Variants in OSBPL10 observed in about 807,000 individuals in gnomAD.
OSBPL10 encodes oxysterol-binding protein-related protein 10.
OSBPL10 carries 49 observed loss-of-function variants against 81.7 expected under a neutral mutation model. The ratio of observed to expected loss-of-function variants is 0.60; its 90% CI spans 0.48 to 0.76. OSBPL10 has a LOEUF of 0.76. Ranked by LOEUF, OSBPL10 falls within the 30% of genes least tolerant of loss-of-function variation. The probability of loss-of-function intolerance (pLI) is 0.00; values close to 1 mark genes in which losing one functional copy is unlikely to be tolerated. For missense variants in OSBPL10, 923 were observed against 987.8 expected (o/e 0.93, Z 0.88); for synonymous variants, 419 against 383.6 (o/e 1.09, Z -1.08).
intron 1 of OSBPL10, among the ~76,000 whole-genome samples, chr3:31,922,250 C>T (rs1287909728): frequency 6.6e-6 from 1 of 152,140 alleles, no homozygotes; most frequent in African/African-American, 2.4e-5. Flanking sequence ...ACCACATAAA[C>T]GTAAAATGTT....
chr3:31,900,596 G>A (rs910888370), intron 1 of OSBPL10, among the ~76,000 whole-genome samples: 2 of 152,344 alleles, frequency 1.3e-5, no homozygotes, highest in Admixed American at 6.5e-5. Flanking sequence ...ACTGCAGTCA[G>A]TTGTTGTAAC....
chr3:32,024,369 C>A (rs1699384153), intron 2 of OSBPL10, among the ~76,000 whole-genome samples: 1 of 151,926 alleles, frequency 6.6e-6, no homozygotes, highest in Admixed American at 6.6e-5. Flanking sequence ...TCTTTAATTT[C>A]TCTCAGCAAT....
Position 31,726,825 on chromosome 3 carries a change from C to T in OSBPL10, c.1095+6432G>A, listed in dbSNP as rs964661836. On this transcript the variant is annotated intron_variant, in intron 6 of 11. Coordinates refer to ENST00000396556, the MANE Select transcript of OSBPL10 (RefSeq NM_017784.5). ...CACCTACTCCCAGAATTCTTTTGTG[C>T]AAAAATTTATTATTATTATTATTAT... 2.0e-4 allele frequency among the ~76,000 whole-genome samples: 29 copies of T among 144,280 alleles called. 1 individual carries two copies. Among genetic ancestry groups the T allele is most frequent in the Non-Finnish European group, 2.5e-4 (17 of 67,784 alleles). The allele number at this position is 144,280 out of a possible 152,430, so 94.7% of individuals were successfully genotyped here. A position where few individuals can be genotyped will look rare whatever the true frequency, so the allele number is the denominator to read the frequency against.
chr3:32,073,945 A>T (rs1006305067), intron 1 of OSBPL10, among the ~76,000 whole-genome samples: 3 of 151,874 alleles, frequency 2.0e-5, no homozygotes, highest in South Asian at 2.1e-4. Flanking sequence ...TCTTATTCTC[A>T]TTCCCATTCT....
intron 4 of OSBPL10, among the ~76,000 whole-genome samples, chr3:31,827,433 A>G (rs576102907): frequency 3.0e-4 from 45 of 152,230 alleles, no homozygotes; most frequent in Admixed American, 2.4e-3. Context: ...TCAGGAGATC[A>G]AGACCAGCCT....
chr3:31,829,390 T>C (rs772831304), intron 4 of OSBPL10, among the ~76,000 whole-genome samples: 25 of 152,312 alleles, frequency 1.6e-4, no homozygotes, highest in Middle Eastern at 3.4e-3. Flanking sequence ...AATTTAAACA[T>C]AACCTCGCCT....
chr3:32,002,800 C>A (rs1004405518), intron 2 of OSBPL10, among the ~76,000 whole-genome samples: 1 of 129,448 alleles, frequency 7.7e-6, no homozygotes, highest in Admixed American at 7.8e-5. Flanking sequence ...GGGAGAAATA[C>A]TATTTATTGT....
rs113766261 is a variant in OSBPL10 at position 31,777,324 on chromosome 3, T to G, written c.730-29204A>C. On this transcript the variant is annotated intron_variant, in intron 4 of 11. Transcript: ENST00000396556. ...ACACTTTTCAAGGCCCAGTAATTTT[T>G]TTTTTCATCTTTAGATAAGAGAGCC... Among the ~76,000 whole-genome samples the G allele has an allele frequency of 7.1e-3, 1,075 of 152,326 alleles. 12 individuals are homozygous for G. The highest frequency in any genetic ancestry group is 0.025 in the African/African-American group (1,032 of 41,568).
At chr3:32,075,355 C>A (rs761490189) in intron 1 of OSBPL10, among the ~76,000 whole-genome samples, 9 of 152,132 alleles carry the variant, frequency 5.9e-5, no homozygotes, top group Non-Finnish European at 1.3e-4. Flanking sequence ...AAGGATAGAG[C>A]CCAAAAACTC....
chr3:31,703,176 C>T (rs1370628477), intron 6 of OSBPL10, among the ~76,000 whole-genome samples: 1 of 152,194 alleles, frequency 6.6e-6, no homozygotes, highest in East Asian at 1.9e-4. Flanking sequence ...TCCAATTTTT[C>T]ACATTACATA....
At chr3:31,687,241 T>C (rs191519051) in intron 7 of OSBPL10, among the ~76,000 whole-genome samples, 2 of 152,192 alleles carry the variant, frequency 1.3e-5, no homozygotes, top group East Asian at 1.9e-4. Flanking sequence ...ACAAAGATAA[T>C]TGCGTAACCT....
intron 6 of OSBPL10, 126 bp from the exon 7 acceptor site, chr3:31,702,634 G>A (rs1046191159): frequency 7.5e-7 from 1 of 1,341,784 alleles, no homozygotes; most frequent in Non-Finnish European, 1.0e-6. Flanking sequence ...GCTCCTCTGT[G>A]ACCCAGTCCT....
intron 3 of OSBPL10, among the ~76,000 whole-genome samples, chr3:31,851,458 G>A: frequency 6.6e-6 from 1 of 152,202 alleles, no homozygotes; most frequent in Non-Finnish European, 1.5e-5. Context: ...ACAGCGGGAT[G>A]AGGGAGGAGG....
chr3:32,058,772 T>C (rs1336258224), intron 1 of OSBPL10, among the ~76,000 whole-genome samples: 1 of 152,192 alleles, frequency 6.6e-6, no homozygotes, highest in Non-Finnish European at 1.5e-5. Flanking sequence ...TCAAGTCATC[T>C]TCCTGCCTTA....
intron 8 of OSBPL10, among the ~76,000 whole-genome samples, chr3:31,683,185 C>CA (rs1700698260): frequency 6.6e-6 from 1 of 152,180 alleles, no homozygotes; most frequent in African/African-American, 2.4e-5. Context: ...AGCATAGAGT[C>CA]AAAAGATTTG....
At position 31,804,695 on chromosome 3, in the gene OSBPL10, G is replaced by A. The variant is rs141996271; in HGVS notation, c.729+25345C>T. Among the ~76,000 whole-genome samples the A allele has an allele frequency of 1.4e-3, 206 of 152,300 alleles. 1 individual carries two copies. Among genetic ancestry groups the A allele is most frequent in the African/African-American group, 4.7e-3 (194 of 41,576 alleles). ...GCGCCTACCAAACGCGCTTCATGAG[G>A]ACAAGATGTAATTTTACCAAAACAC... On this transcript the variant is annotated intron_variant, in intron 4 of 11. Transcript: ENST00000396556.
chr3:31,685,455 G>T (rs1453933333), intron 7 of OSBPL10, among the ~76,000 whole-genome samples: 1 of 152,126 alleles, frequency 6.6e-6, no homozygotes, highest in African/African-American at 2.4e-5. Context: ...CACCCGTCTT[G>T]GCCTCCCAAA....
chr3:31,805,638 A>ATTTG (rs1559472737), intron 4 of OSBPL10, among the ~76,000 whole-genome samples: 1 of 152,242 alleles, frequency 6.6e-6, no homozygotes, highest in Non-Finnish European at 1.5e-5. Context: ...CACACAAAAT[A>ATTTG]CAAAGCACCT....
intron 4 of OSBPL10, among the ~76,000 whole-genome samples, chr3:31,812,746 G>GAAAGA (rs1699723592): frequency 9.8e-5 from 2 of 20,464 alleles, no homozygotes; most frequent in African/African-American, 4.5e-4. Flanking sequence ...AAGAAAGAAA[G>GAAAGA]AAAGAAAGAA....
Sources: allele counts gnomAD v4.1 joint callset (sites outside exome capture counted in the v4.1 genomes callset), GRCh38; gene constraint gnomAD v4.1.1; transcripts MANE v1.5; gene names NCBI Gene and HGNC (gene_info 2026-07-23, HGNC 2026-07-21).